GPHN: variants seen among roughly 807,000 people sequenced by gnomAD.
GPHN encodes the protein gephyrin.
Under a neutral mutation model 95.5 loss-of-function variants are expected in GPHN, and 17 were observed. That is an observed-to-expected ratio of 0.18 (90% CI 0.12 to 0.27). GPHN has a LOEUF of 0.27. Among genes scored for constraint, GPHN ranks in the 10% least tolerant of loss-of-function variants. GPHN has a pLI of 1.00. For missense variants in GPHN, 660 were observed against 978.1 expected, an observed-to-expected ratio of 0.67 and a Z score of 4.34; for synonymous variants, 320 against 322.5, an observed-to-expected ratio of 0.99 and a Z score of 0.08.
intron 10 of GPHN, among the ~76,000 whole-genome samples, chr14:67,057,415 G>T (rs990829814): frequency 5.3e-5 from 8 of 151,382 alleles, no homozygotes; most frequent in Non-Finnish European, 8.8e-5. Context: ...CATGGGTGGG[G>T]GGGGCAACAG....
chr14:66,750,605 A>G (rs1436387490), intron 2 of GPHN, among the ~76,000 whole-genome samples: 1 of 152,112 alleles, frequency 6.6e-6, no homozygotes, highest in Admixed American at 6.6e-5. Context: ...TAATGTCAAC[A>G]TGTACTTCTT....
chr14:67,598,169 T>C, the GPHN span, among the ~76,000 whole-genome samples: 1 of 152,224 alleles, frequency 6.6e-6, no homozygotes, highest in Admixed American at 6.5e-5. Flanking sequence ...TATTCATTAC[T>C]CTCATAAACA....
At chr14:67,507,125 C>T in the GPHN span, among the ~76,000 whole-genome samples, 1 of 152,168 alleles carries the variant, frequency 6.6e-6, no homozygotes, top group Non-Finnish European at 1.5e-5. Flanking sequence ...CTTGCCCTTT[C>T]AGGTAGTTAG....
chr14:67,512,480 CTG>C, the GPHN span, among the ~76,000 whole-genome samples: 4 of 152,148 alleles, frequency 2.6e-5, no homozygotes, highest in African/African-American at 9.7e-5. Flanking sequence ...AGGAATGTTC[CTG>C]CAATTCAAAA....
chr14:66,588,862 A>G (rs914739072), intron 1 of GPHN, among the ~76,000 whole-genome samples: 1 of 152,190 alleles, frequency 6.6e-6, no homozygotes, highest in African/African-American at 2.4e-5. Flanking sequence ...GCCAACATTC[A>G]AATTCAGGGA....
intron 1 of GPHN, among the ~76,000 whole-genome samples, chr14:66,625,180 G>A (rs1282313966): frequency 6.6e-6 from 1 of 152,060 alleles, no homozygotes. Flanking sequence ...CCAGTCTCAA[G>A]CAATCCTCTC....
chr14:67,338,681 C>A, the GPHN span: 3 of 1,613,900 alleles, frequency 1.9e-6, no homozygotes, highest in Non-Finnish European at 2.5e-6. Flanking sequence ...GCTCCAACAC[C>A]TCTCCAGCTG....
chr14:66,533,042 G>C (rs1274035), intron 1 of GPHN, among the ~76,000 whole-genome samples: 152,268 of 152,330 alleles, frequency 1, 76,103 homozygotes, highest in Middle Eastern at 1. Flanking sequence ...GTGTGTAGTC[G>C]CCGAATAGTC....
At chr14:67,360,185 A>C in the GPHN span, 1 of 403,842 alleles carries the variant, frequency 2.5e-6, no homozygotes, top group Admixed American at 4.4e-5. Flanking sequence ...TACTTAGCTA[A>C]AGCTAAGATA....
chr14:66,623,430 A>C (rs2063389360), intron 1 of GPHN, among the ~76,000 whole-genome samples: 1 of 151,998 alleles, frequency 6.6e-6, no homozygotes, highest in Admixed American at 6.6e-5. Flanking sequence ...GGCTGCTCAA[A>C]GCTGAAAGCA....
intron 6 of GPHN, among the ~76,000 whole-genome samples, chr14:66,917,070 A>G (rs2065950174): frequency 6.6e-6 from 1 of 152,164 alleles, no homozygotes; most frequent in Non-Finnish European, 1.5e-5. Flanking sequence ...CTCACCTTTA[A>G]TCTACCACTA....
In GPHN at chr14:66,774,291, C is replaced by T. The variant is rs549911236; in HGVS notation, c.144-2173C>T. Among the ~76,000 whole-genome samples the T allele has an allele frequency of 3.7e-4, 56 of 152,192 alleles. 2 individuals carry two copies. The South Asian group carries it at 9.9e-3, about 27-fold the overall frequency. On this transcript the variant is annotated intron_variant, in intron 2 of 22. Coordinates refer to ENST00000478722, the MANE Select transcript of GPHN (RefSeq NM_020806.5). ...TGCTGGGATTACAGGCATGAGCCAC[C>T]GCGCCCGGCCATATCTACAAGGTTT...
chr14:67,202,774 C>G, the GPHN span, among the ~76,000 whole-genome samples: 1 of 152,174 alleles, frequency 6.6e-6, no homozygotes, highest in Non-Finnish European at 1.5e-5. Context: ...GCCTGTCTCC[C>G]CACTCTAAGC....
rs907957910 is a variant in GPHN, at chr14:67,052,031, C to T, written c.1007-6618C>T. ...CACACTAAAGTACACAGACCAATGA[C>T]GCTTCGAAGCAACTACATCAACAAG... On this transcript the variant is annotated intron_variant, in intron 10 of 22. Coordinates refer to ENST00000478722, the MANE Select transcript of GPHN (RefSeq NM_020806.5). 9.2e-5 allele frequency among the ~76,000 whole-genome samples: 14 copies of T among 152,232 alleles called. 1 individual carries two copies. The East Asian group carries it at 9.7e-4, about 11-fold the overall frequency.
intron 3 of GPHN, among the ~76,000 whole-genome samples, chr14:66,822,132 A>G (rs28647995): frequency 0.012 from 1,793 of 152,178 alleles, 39 homozygotes; most frequent in African/African-American, 0.041. Context: ...TTGTATTTTT[A>G]GTAGAGACGG....
intron 1 of GPHN, among the ~76,000 whole-genome samples, chr14:66,621,495 G>T (rs1485630587): frequency 6.6e-6 from 1 of 150,922 alleles, no homozygotes; most frequent in Non-Finnish European, 1.5e-5. Context: ...CACGATCTCA[G>T]CTCACTGCCA....
intron 5 of GPHN, among the ~76,000 whole-genome samples, chr14:66,904,422 G>A (rs891580084): frequency 2.0e-5 from 3 of 152,108 alleles, no homozygotes; most frequent in Admixed American, 6.6e-5. Context: ...GCCACAGAGC[G>A]GTGATTGGTG....
chr14:66,887,961 G>A, intron 5 of GPHN, among the ~76,000 whole-genome samples: 1 of 152,104 alleles, frequency 6.6e-6, no homozygotes, highest in Non-Finnish European at 1.5e-5. Context: ...GACATAAACA[G>A]TGCCTTTGAT....
At chr14:66,988,271 T>C (rs2071159258) in intron 9 of GPHN, among the ~76,000 whole-genome samples, 1 of 152,088 alleles carries the variant, frequency 6.6e-6, no homozygotes, top group Non-Finnish European at 1.5e-5. Flanking sequence ...ATCTTTCTTT[T>C]CAAAAATCAC....
Sources: gnomAD v4.1 joint callset for allele counts (sites outside exome capture counted in the v4.1 genomes callset) on GRCh38, gnomAD v4.1.1 for gene constraint, MANE v1.5 for transcripts, NCBI Gene and HGNC (gene_info 2026-07-23, HGNC 2026-07-21) for gene names.